Variants in SOX6 observed in about 807,000 individuals in gnomAD.
SOX6 encodes the protein SRY-box transcription factor 6.
SOX6 carries 11 observed loss-of-function variants against 97.8 expected under a neutral mutation model. The observed-to-expected ratio is 0.11, with a 90% CI of 0.07 to 0.19. The LOEUF (loss-of-function observed/expected upper bound fraction) is 0.19. Among genes scored for constraint, SOX6 ranks in the 10% least tolerant of loss-of-function variants. The probability of loss-of-function intolerance (pLI) is 1.00; values close to 1 mark genes in which losing one functional copy is unlikely to be tolerated. For missense variants in SOX6, 810 were observed against 1,039.5 expected (o/e 0.78, Z 3.04); for synonymous variants, 360 against 371.4 (o/e 0.97, Z 0.35).
chr11:16,586,851 G>A (rs774401208), intron 4 of SOX6, among the ~76,000 whole-genome samples: 1 of 152,200 alleles, frequency 6.6e-6, no homozygotes, highest in Non-Finnish European at 1.5e-5. Context: ...GACAGTCCTT[G>A]TTTTGCATTA....
intron 1 of SOX6, among the ~76,000 whole-genome samples, chr11:16,403,443 G>C (rs1430234396): frequency 6.6e-6 from 1 of 151,752 alleles, no homozygotes; most frequent in Non-Finnish European, 1.5e-5. Flanking sequence ...TGATGGACTA[G>C]TAGTTTTGTT....
chr11:16,255,127 C>T (rs1195883656), intron 3 of SOX6, among the ~76,000 whole-genome samples: 1 of 151,962 alleles, frequency 6.6e-6, no homozygotes, highest in African/African-American at 2.4e-5. Context: ...GAGGCAAAAA[C>T]TGCCAGGAGA....
intron 2 of SOX6, among the ~76,000 whole-genome samples, chr11:16,729,190 C>G (rs866878477): frequency 1.3e-5 from 2 of 152,192 alleles, no homozygotes; most frequent in Admixed American, 6.5e-5. Context: ...CCCAACCTAG[C>G]AAGGCAGGCC....
At chr11:16,096,699 C>T (rs1043712362) in intron 8 of SOX6, among the ~76,000 whole-genome samples, 7 of 151,778 alleles carry the variant, frequency 4.6e-5, no homozygotes, top group African/African-American at 1.7e-4. Flanking sequence ...AATAAAAATG[C>T]TTCACCAGAT....
chr11:16,170,632 T>G (rs1246953882), intron 6 of SOX6, among the ~76,000 whole-genome samples: 1 of 152,024 alleles, frequency 6.6e-6, no homozygotes, highest in East Asian at 1.9e-4. Flanking sequence ...TGGGACGGAC[T>G]TGCTGTCCTC....
rs1565154414 is a variant in SOX6 at position 16,464,535 on chromosome 11, CTGTAAGTCACT to C, written c.-5+11769_-5+11779del. Among the ~76,000 whole-genome samples, 3 of 151,940 alleles carry C rather than the reference CTGTAAGTCACT, an allele frequency of 2.0e-5. No individual in the cohort carries two copies. The South Asian group carries it at 6.3e-4, about 32-fold the overall frequency. Reference sequence around the variant, plus strand: ...AAAAGGAGAAAGAATATTCATTACACTGTAAGTCACTTGTCAGAAAAATGATTCCAAAGAGT... The same window carrying C: ...AAAAGGAGAAAGAATATTCATTACACTGTCAGAAAAATGATTCCAAAGAGT... On this transcript the variant is annotated intron_variant, in intron 1 of 15. Coordinates refer to the SOX6 transcript ENST00000396356.
chr11:16,254,173 T>C (rs1433704125), intron 3 of SOX6, among the ~76,000 whole-genome samples: 1 of 151,746 alleles, frequency 6.6e-6, no homozygotes, highest in Non-Finnish European at 1.5e-5. Flanking sequence ...CTCAGACAAA[T>C]AAAAATTGAG....
chr11:16,523,602 A>G (rs1861106690), intron 4 of SOX6, among the ~76,000 whole-genome samples: 1 of 152,172 alleles, frequency 6.6e-6, no homozygotes, highest in South Asian at 2.1e-4. Flanking sequence ...CACATTCAAA[A>G]GCTAGCAGAA....
chr11:16,061,033 G>C (rs533802576), intron 9 of SOX6, among the ~76,000 whole-genome samples: 1 of 151,576 alleles, frequency 6.6e-6, no homozygotes, highest in African/African-American at 2.4e-5. Context: ...CTATAAATGA[G>C]GCAACACAAG....
Position 16,417,815 on chromosome 11 carries a change from A to T in SOX6, c.-5+58500T>A, listed in dbSNP as rs1858953309. Among the ~76,000 whole-genome samples the T allele has an allele frequency of 1.3e-5, 2 of 152,192 alleles. 1 individual carries two copies. Among genetic ancestry groups the T allele is most frequent in the South Asian group, 4.1e-4 (2 of 4,834 alleles). ...ATTTGAATTTGTTTTCAATTTCTTC[A>T]TGCAAAGTGATGCCTAGTTTTAACT... On this transcript the variant is annotated intron_variant, in intron 1 of 15. Coordinates refer to the SOX6 transcript ENST00000396356.
intron 1 of SOX6, among the ~76,000 whole-genome samples, chr11:16,440,690 T>C (rs1422989458): frequency 6.6e-6 from 1 of 152,194 alleles, no homozygotes; most frequent in Non-Finnish European, 1.5e-5. Flanking sequence ...TGCAGCAAGT[T>C]TAACAAAGAT....
chr11:16,244,146 G>GT (rs1853270347), intron 3 of SOX6, among the ~76,000 whole-genome samples: 1 of 151,824 alleles, frequency 6.6e-6, no homozygotes, highest in Non-Finnish European at 1.5e-5. Context: ...CAACGTATGA[G>GT]TGTTCTAGTT....
chr11:16,418,514 G>C (rs1338672662), intron 1 of SOX6, among the ~76,000 whole-genome samples: 3 of 152,256 alleles, frequency 2.0e-5, no homozygotes, highest in African/African-American at 7.2e-5. Flanking sequence ...CTTAAAAAAA[G>C]TGCATCTGGA....
Position 16,096,137 on chromosome 11 carries a change from AG to A in SOX6, c.979-20del, listed in dbSNP as rs748551655. 8.1e-6 allele frequency: 13 copies of A among 1,607,130 alleles called. No individual in the cohort carries two copies. Among genetic ancestry groups the A allele is most frequent in the Admixed American group, 1.7e-5 (1 of 59,532 alleles). On this transcript the variant is annotated intron_variant, in intron 8 of 15. Transcript: ENST00000683767. ...GACCCTTCTGTTTAGTAGCATATTC[AG>A]AAAAAAAAAAAAAGACAAAACATAC...
In SOX6 at chr11:15,986,200, T is replaced by C. The variant is rs780016386; in HGVS notation, c.2183+4A>G. On this transcript the variant is annotated splice_donor_region_variant and intron_variant, in intron 15 of 15. Transcript: ENST00000683767. ...CCCAGGTGGCTAAATTCAGGAATAC[T>C]TACCCCACAGTAAAGAACTGCCTCA... 1 of 1,613,800 alleles carries C rather than the reference T, an allele frequency of 6.2e-7. No individual in the cohort carries two copies. Among genetic ancestry groups the C allele is most frequent in the Non-Finnish European group, 8.5e-7 (1 of 1,179,814 alleles).
intron 9 of SOX6, among the ~76,000 whole-genome samples, chr11:16,078,522 G>C (rs947981398): frequency 6.6e-6 from 1 of 152,040 alleles, no homozygotes; most frequent in Non-Finnish European, 1.5e-5. Flanking sequence ...GTAAACAAAA[G>C]GTTAATTCAG....
At chr11:16,678,706 G>GCCGTGACAAACTGTAC (rs775546564) in intron 3 of SOX6, among the ~76,000 whole-genome samples, 31 of 152,212 alleles carry the variant, frequency 2.0e-4, no homozygotes, top group Non-Finnish European at 3.5e-4. Context: ...GCTAAGGGAA[G>GCCGTGACAAACTGTAC]CCGTGACAAA....
intron 10 of SOX6, among the ~76,000 whole-genome samples, chr11:16,054,479 T>C (rs75239818): frequency 0.038 from 5,767 of 152,218 alleles, 354 homozygotes; most frequent in African/African-American, 0.13. Context: ...TCTAAAAGAA[T>C]AGGTGGCATT....
At chr11:16,098,739 T>C (rs1317209289) in intron 7 of SOX6, among the ~76,000 whole-genome samples, 1 of 151,896 alleles carries the variant, frequency 6.6e-6, no homozygotes, top group East Asian at 1.9e-4. Flanking sequence ...TTTTGACATT[T>C]ATAATAATCA....
Sources: allele counts gnomAD v4.1 joint callset (sites outside exome capture counted in the v4.1 genomes callset), GRCh38; gene constraint gnomAD v4.1.1; transcripts MANE v1.5; gene names NCBI Gene and HGNC (gene_info 2026-07-23, HGNC 2026-07-21).